Variants in IQCK observed in about 807,000 individuals in gnomAD.
IQCK encodes IQ motif containing K, also known as IQ domain-containing protein K.
Under a neutral mutation model 28.1 loss-of-function variants are expected in IQCK, and 29 were observed. The observed-to-expected ratio is 1.03, with a 90% confidence interval of 0.77 to 1.41. The LOEUF (loss-of-function observed/expected upper bound fraction) is 1.41. IQCK is among the 40% of genes most tolerant of loss of function. The probability of loss-of-function intolerance (pLI) is 0.00; values close to 1 mark genes in which losing one functional copy is unlikely to be tolerated. For synonymous variants in IQCK, 113 were observed against 115.1 expected (o/e 0.98, Z 0.12); for missense variants, 359 against 314.7 (o/e 1.14, Z -1.07).
chr16:19,735,883 A>G, intron 4 of IQCK: 1 of 345,558 alleles, frequency 2.9e-6, no homozygotes, highest in Non-Finnish European at 5.6e-6. Flanking sequence ...CAACATAGTG[A>G]GACCCCCATC....
chr16:19,854,625 GT>G (rs2056530733), intron 9 of IQCK, among the ~76,000 whole-genome samples: 1 of 152,218 alleles, frequency 6.6e-6, no homozygotes, highest in East Asian at 1.9e-4. Context: ...GTTGACCTGT[GT>G]ACCTCCCTGG....
chr16:19,828,706 G>C (rs1475829984), downstream of IQCK, among the ~76,000 whole-genome samples: 2 of 149,496 alleles, frequency 1.3e-5, no homozygotes, highest in Non-Finnish European at 3.0e-5. Flanking sequence ...GTGAAACCCT[G>C]TCTCTACTAA....
intron 4 of IQCK, among the ~76,000 whole-genome samples, chr16:19,751,625 C>T (rs758418722): frequency 6.6e-6 from 1 of 152,030 alleles, no homozygotes; most frequent in African/African-American, 2.4e-5. Context: ...GCAGGAGTAG[C>T]GAGATGGATC....
chr16:19,753,213 C>A (rs760064621), intron 4 of IQCK, among the ~76,000 whole-genome samples: 25 of 150,778 alleles, frequency 1.7e-4, no homozygotes, highest in South Asian at 1.5e-3. Context: ...CCCAGGAGAC[C>A]AGCCTGGGCA....
rs201752264 is a variant in IQCK, at chr16:19,856,728, AAGAAAGG to A, written c.*182_*188del. ...AAGCTTTAATGCAAATAGTTTAGAA[AAGAAAGG>A]ACCAGTCTTCACTTTCTGCATTATC... On this transcript the variant is annotated 3_prime_UTR_variant, in exon 10 of 10. Transcript: ENST00000320394. 56 of 585,580 alleles carry A rather than the reference AAGAAAGG, an allele frequency of 9.6e-5. No homozygotes were observed. The East Asian group carries it at 1.5e-3, about 16-fold the overall frequency. 36.3% of individuals were successfully genotyped at this position (585,580 alleles called of 1,614,324 possible).
intron 4 of IQCK, chr16:19,736,139 A>C (rs891638663): frequency 8.8e-6 from 4 of 455,690 alleles, no homozygotes; most frequent in African/African-American, 8.0e-5. Flanking sequence ...GCATCTCTCT[A>C]CTCCATGCCA....
chr16:19,775,991 C>T (rs1203761676), intron 6 of IQCK, among the ~76,000 whole-genome samples: 10 of 145,604 alleles, frequency 6.9e-5, no homozygotes, highest in South Asian at 6.6e-4. Context: ...AAGCCATTCT[C>T]CTGTCTCAGC....
chr16:19,732,034 G>A (rs1274256681), intron 2 of IQCK, among the ~76,000 whole-genome samples: 2 of 152,230 alleles, frequency 1.3e-5, no homozygotes, highest in Non-Finnish European at 2.9e-5. Flanking sequence ...TCCAAGGGCA[G>A]GAGAAGAAGG....
At chr16:19,729,155 T>C (rs1189264868) in intron 1 of IQCK, among the ~76,000 whole-genome samples, 1 of 152,232 alleles carries the variant, frequency 6.6e-6, no homozygotes, top group East Asian at 1.9e-4. Context: ...TTATTTATTT[T>C]TGAGTCAGAG....
At chr16:19,809,595 G>A (rs1462034776) in intron 7 of IQCK, among the ~76,000 whole-genome samples, 1 of 152,204 alleles carries the variant, frequency 6.6e-6, no homozygotes, top group Non-Finnish European at 1.5e-5. Context: ...CTGTCTATCT[G>A]TCAAAGCCAG....
At chr16:19,821,351 G>A (rs542692640) in intron 7 of IQCK, among the ~76,000 whole-genome samples, 1 of 152,320 alleles carries the variant, frequency 6.6e-6, no homozygotes, top group South Asian at 2.1e-4. Context: ...TAAGTTGAAT[G>A]TAAAATTACC....
At chr16:19,774,944 C>T (rs1320106121) in intron 6 of IQCK, among the ~76,000 whole-genome samples, 3 of 151,648 alleles carry the variant, frequency 2.0e-5, no homozygotes, top group Admixed American at 1.3e-4. Context: ...TTTTTAAGGC[C>T]GGGCGTGGTG....
intron 7 of IQCK, among the ~76,000 whole-genome samples, chr16:19,826,271 G>A (rs2056147843): frequency 6.6e-6 from 1 of 152,098 alleles, no homozygotes; most frequent in Admixed American, 6.5e-5. Flanking sequence ...GCCTCTCATA[G>A]TACTGGGATT....
At chr16:19,770,551 A>G (rs934638021) in intron 6 of IQCK, among the ~76,000 whole-genome samples, 3 of 140,128 alleles carry the variant, frequency 2.1e-5, no homozygotes, top group Non-Finnish European at 4.5e-5. Context: ...TGGCCCCTGC[A>G]TTCCTCTTCA....
At chr16:19,774,728 C>T (rs1379606760) in intron 6 of IQCK, among the ~76,000 whole-genome samples, 2 of 152,116 alleles carry the variant, frequency 1.3e-5, no homozygotes, top group Non-Finnish European at 2.9e-5. Context: ...TCATAAGTGG[C>T]CTGGCTACCA....
At chr16:19,831,680 T>A (rs2056235087), downstream of IQCK, among the ~76,000 whole-genome samples, 1 of 151,960 alleles carries the variant, frequency 6.6e-6, no homozygotes, top group Admixed American at 6.6e-5. Context: ...AAAGCTCATC[T>A]ATGTACAAAT....
intron 7 of IQCK, among the ~76,000 whole-genome samples, chr16:19,809,857 G>C (rs2055880700): frequency 6.6e-6 from 1 of 152,178 alleles, no homozygotes; most frequent in Non-Finnish European, 1.5e-5. Flanking sequence ...TTTCAAACAA[G>C]TTCTCAGGTG....
At chr16:19,806,394 A>G (rs2055834125) in intron 7 of IQCK, among the ~76,000 whole-genome samples, 1 of 151,928 alleles carries the variant, frequency 6.6e-6, no homozygotes, top group African/African-American at 2.4e-5. Context: ...ATATTAGAAA[A>G]TAAAAGTGAG....
intron 4 of IQCK, among the ~76,000 whole-genome samples, chr16:19,741,021 C>T (rs2054826418): frequency 1.3e-5 from 2 of 151,648 alleles, no homozygotes; most frequent in Admixed American, 6.6e-5. Flanking sequence ...ATGAGTCGCC[C>T]ATGTTTGGTT....
Sources: allele counts gnomAD v4.1 joint callset (sites outside exome capture counted in the v4.1 genomes callset), GRCh38; gene constraint gnomAD v4.1.1; transcripts MANE v1.5; gene names NCBI Gene and HGNC (gene_info 2026-07-23, HGNC 2026-07-21).